The following SPACA1 variants were observed in gnomAD, a reference collection of about 807,000 sequenced individuals.
SPACA1 encodes the protein sperm acrosome associated 1.
A neutral mutation model predicts 32.6 loss-of-function variants in SPACA1; 17 were observed. The ratio of observed to expected loss-of-function variants is 0.52; its 90% CI spans 0.36 to 0.78. The LOEUF (loss-of-function observed/expected upper bound fraction) is 0.78. SPACA1 is among the 30% of genes least tolerant of loss of function. The pLI, the probability that SPACA1 is intolerant of heterozygous loss-of-function variation, is 0.01. For missense variants in SPACA1, 363 were observed against 373.4 expected, an observed-to-expected ratio of 0.97 and a Z score of 0.23; for synonymous variants, 140 against 138.1, an observed-to-expected ratio of 1.01 and a Z score of -0.10.
In SPACA1 at chr6:88,058,734, A is replaced by G. The variant is rs770864096; in HGVS notation, c.386A>G (p.Glu129Gly). 2 of 1,613,018 alleles carry G rather than the reference A, an allele frequency of 1.2e-6. No individual in the cohort carries two copies. The highest frequency in any genetic ancestry group is 4.5e-5 in the East Asian group (2 of 44,844). ...TDCGWGKPIS[E>G]SLESVRLACI... ...TTTTCAGGGGGTAAACCAATTTCAG[A>G]AAGTCTTGAAAGTGTTAGATTGGCA... Residue 129 changes from glutamate (E) to glycine (G), a missense_variant, in exon 4 of 7, where the codon GAA becomes GGA. Transcript: ENST00000237201.
chr6:88,060,709 C>A (rs1775880092), intron 5 of SPACA1, among the ~76,000 whole-genome samples: 1 of 152,102 alleles, frequency 6.6e-6, no homozygotes, highest in Non-Finnish European at 1.5e-5. Context: ...ATAAAAACAT[C>A]ATTAAACTAA....
At chr6:88,064,333 A>ACTGTCCAT in intron 6 of SPACA1, 114 bp downstream of exon 6, 1 of 1,084,164 alleles carries the variant, frequency 9.2e-7, no homozygotes, top group Non-Finnish European at 1.3e-6. Context: ...TTGCCTTGAA[A>ACTGTCCAT]CTGTCCATCG....
intron 3 of SPACA1, among the ~76,000 whole-genome samples, chr6:88,058,216 G>A (rs1303799423): frequency 1.3e-5 from 2 of 152,184 alleles, no homozygotes; most frequent in African/African-American, 2.4e-5. Context: ...AAGGAGCAGA[G>A]AGCCATGGTG....
At position 88,066,393 on chromosome 6, in the gene SPACA1, C is replaced by G; in HGVS notation, c.*58C>G. 1 of 1,430,526 alleles carries G rather than the reference C, an allele frequency of 7.0e-7. No homozygotes were observed. The highest frequency in any genetic ancestry group is 9.3e-7 in the Non-Finnish European group (1 of 1,071,534). The allele number at this position is 1,430,526 out of a possible 1,614,324, so 88.6% of individuals were successfully genotyped here. A position where few individuals can be genotyped will look rare whatever the true frequency, so the allele number is the denominator to read the frequency against. ...TTACAGAATATTAGATTCATTATTA[C>G]AAAAATAAAATACACATTGAAATAC... is the stretch of plus-strand genomic sequence containing the variant. On this transcript the variant is annotated 3_prime_UTR_variant, in exon 7 of 7. Coordinates refer to ENST00000237201, the MANE Select transcript of SPACA1 (RefSeq NM_030960.3).
chr6:88,047,913 C>G lies in SPACA1; in HGVS notation c.8C>G (p.Pro3Arg), dbSNP rs914982716. MS[P>R]RGTGCSAGLL... is the part of the protein sequence containing the mutation. Reference sequence around the variant, plus strand: ...CCGTCGGGGCCGAGAACCATGAGCCCCAGGGGCACGGGCTGCTCCGCCGGG... The same window carrying G: ...CCGTCGGGGCCGAGAACCATGAGCCGCAGGGGCACGGGCTGCTCCGCCGGG... Residue 3 changes from proline to arginine, a missense_variant, in exon 1 of 7, where the codon CCC becomes CGC. Pro to Arg is a moderately radical substitution (Grantham distance 103, BLOSUM62 -2). Coordinates refer to ENST00000237201, the MANE Select transcript of SPACA1 (RefSeq NM_030960.3). 4.5e-6 allele frequency: 7 copies of G among 1,554,174 alleles called. No individual in the cohort carries two copies. The South Asian group carries it at 7.1e-5, about 16-fold the overall frequency.
chr6:88,066,429 T>C lies in SPACA1; in HGVS notation c.*94T>C. The C allele has an allele frequency of 1.7e-6, 2 of 1,182,010 alleles. No homozygotes were observed. The highest frequency in any genetic ancestry group is 2.3e-6 in the Non-Finnish European group (2 of 875,636). 73.2% of individuals were successfully genotyped at this position (1,182,010 alleles called of 1,614,324 possible). A position where few individuals can be genotyped will look rare whatever the true frequency, so the allele number is the denominator to read the frequency against. Reference sequence around the variant, plus strand: ...TACACATTGAAATACTTTAATAATGTTGCGATGGATTGCCACAGTGTGAAG... The same window carrying C: ...TACACATTGAAATACTTTAATAATGCTGCGATGGATTGCCACAGTGTGAAG... On this transcript the variant is annotated 3_prime_UTR_variant, in exon 7 of 7. Transcript: ENST00000237201.
intron 5 of SPACA1, among the ~76,000 whole-genome samples, chr6:88,062,699 A>G (rs1372483810): frequency 6.6e-6 from 1 of 152,120 alleles, no homozygotes; most frequent in Admixed American, 6.6e-5. Flanking sequence ...CTATAATACT[A>G]GCTACTAGGG....
chr6:88,060,160 T>G (rs806435), intron 5 of SPACA1, among the ~76,000 whole-genome samples: 1 of 152,162 alleles, frequency 6.6e-6, no homozygotes, highest in African/African-American at 2.4e-5. Flanking sequence ...TGTCATTTTA[T>G]GTATTAGAAA....
Position 88,066,472 on chromosome 6 carries a change from T to C in SPACA1, c.*137T>C, listed in dbSNP as rs1775988635. 5.7e-6 allele frequency: 4 copies of C among 706,100 alleles called. No homozygotes were observed. The East Asian group carries it at 1.3e-4, about 23-fold the overall frequency. The allele number at this position is 706,100 out of a possible 1,614,324, so 43.7% of individuals were successfully genotyped here. A position where few individuals can be genotyped will look rare whatever the true frequency, so the allele number is the denominator to read the frequency against. ...GTGTGAAGGAAATGCAGTGTGGGGA[T>C]AGGACTATTTTATCAGTGCATTTTT... is the stretch of plus-strand genomic sequence containing the variant. On this transcript the variant is annotated 3_prime_UTR_variant, in exon 7 of 7. Coordinates refer to ENST00000237201, the MANE Select transcript of SPACA1 (RefSeq NM_030960.3).
At chr6:88,053,849 C>A in intron 1 of SPACA1, 97 bp from the exon 2 acceptor site, 3 of 927,736 alleles carry the variant, frequency 3.2e-6, no homozygotes, top group Non-Finnish European at 5.0e-6. Flanking sequence ...GTCTGCTGCC[C>A]ATATCATACA....
rs1775944841 is a variant in SPACA1 at position 88,064,299 on chromosome 6, C to T, written c.731+80C>T. The T allele has an allele frequency of 2.8e-6, 4 of 1,448,732 alleles. No individual in the cohort carries two copies. In the African/African-American group the frequency reaches 5.7e-5, roughly 21 times the overall value. The allele number at this position is 1,448,732 out of a possible 1,614,324, so 89.7% of individuals were successfully genotyped here. A position where few individuals can be genotyped will look rare whatever the true frequency, so the allele number is the denominator to read the frequency against. On this transcript the variant is annotated intron_variant, in intron 6 of 6. Coordinates refer to ENST00000237201, the MANE Select transcript of SPACA1 (RefSeq NM_030960.3). Reference sequence around the variant, plus strand: ...CTCCTCATCCAGTGAATTGCAAAGCCCTGTCCGTGATGTCTCCTACATGTT... The same window carrying T: ...CTCCTCATCCAGTGAATTGCAAAGCTCTGTCCGTGATGTCTCCTACATGTT...
Position 88,064,163 on chromosome 6 carries a change from A to G in SPACA1, c.675A>G (p.Ile225Met). The change falls in exon 6 of 7, where the codon ATA (isoleucine) becomes ATG (methionine). Residue 225 changes from isoleucine to methionine, a missense_variant. Physicochemically the swap from Ile to Met is conservative, Grantham distance 10 (BLOSUM62 1). Coordinates refer to ENST00000237201, the MANE Select transcript of SPACA1 (RefSeq NM_030960.3). ...CAGCCCTAATTTTTGTGCTGACCATAGGAGTCATTATCTGTGTATTTATAA... is the reference window on the plus strand; with the variant it reads ...CAGCCCTAATTTTTGTGCTGACCATGGGAGTCATTATCTGTGTATTTATAA... Reference protein sequence around the residue: ...TDAALIFVLTIGVIICVFIIF... With the variant: ...TDAALIFVLTMGVIICVFIIF... 1 of 1,613,402 alleles carries G rather than the reference A, an allele frequency of 6.2e-7. No individual in the cohort carries two copies. Among genetic ancestry groups the G allele is most frequent in the Non-Finnish European group, 8.5e-7 (1 of 1,179,574 alleles).
intron 1 of SPACA1, among the ~76,000 whole-genome samples, chr6:88,050,235 G>A: frequency 6.6e-6 from 1 of 152,180 alleles, no homozygotes; most frequent in Non-Finnish European, 1.5e-5. Context: ...TATTGTCACA[G>A]TATATTTCAG....
At chr6:88,047,393 A>T (rs1008151225), upstream of SPACA1, among the ~76,000 whole-genome samples, 1 of 152,226 alleles carries the variant, frequency 6.6e-6, no homozygotes, top group Non-Finnish European at 1.5e-5. Flanking sequence ...ATACATCCCA[A>T]ATTGGATATT....
intron 3 of SPACA1, among the ~76,000 whole-genome samples, chr6:88,057,986 G>C (rs1340745243): frequency 6.6e-6 from 1 of 152,178 alleles, no homozygotes; most frequent in African/African-American, 2.4e-5. Flanking sequence ...AGTTGAGGCT[G>C]TCCTGTGGCG....
chr6:88,058,482 T>C (rs1249553251), intron 3 of SPACA1, among the ~76,000 whole-genome samples: 1 of 152,060 alleles, frequency 6.6e-6, no homozygotes, highest in African/African-American at 2.4e-5. Flanking sequence ...TACAAAATTT[T>C]GTTTTAATTA....
Position 88,058,831 on chromosome 6 carries a change from T to C in SPACA1, c.474+9T>C, listed in dbSNP as rs367847689. The stretch of plus-strand genomic sequence containing the variant: ...TTCTAAGACAAGACCAAGTGAGTAA[T>C]GAATGGATATAACCTGGTGCTTTCT... On this transcript the variant is annotated intron_variant, in intron 4 of 6. Coordinates refer to ENST00000237201, the MANE Select transcript of SPACA1 (RefSeq NM_030960.3). 2.4e-5 allele frequency: 37 copies of C among 1,562,818 alleles called. No homozygotes were observed. The highest frequency in any genetic ancestry group is 1.4e-5 in the Non-Finnish European group (16 of 1,134,884).
At chr6:88,050,615 T>C (rs745307459) in intron 1 of SPACA1, among the ~76,000 whole-genome samples, 2 of 152,264 alleles carry the variant, frequency 1.3e-5, no homozygotes, top group Admixed American at 6.5e-5. Context: ...AGACTTCTTT[T>C]GTATCTTCTT....
Position 88,066,164 on chromosome 6 carries a change from T to G in SPACA1, c.732-18T>G, listed in dbSNP as rs763674592. ...TTTCACTTCATATGGTGGTTTTGGT[T>G]TTTGTTTTTTCTTCCAGGGCAGCAG... On this transcript the variant is annotated intron_variant, in intron 6 of 6. Coordinates refer to ENST00000237201, the MANE Select transcript of SPACA1 (RefSeq NM_030960.3). The G allele has an allele frequency of 1.9e-6, 3 of 1,547,146 alleles. No homozygotes were observed. In the South Asian group the frequency reaches 3.8e-5, roughly 20 times the overall value.
Sources: allele counts gnomAD v4.1 joint callset (sites outside exome capture counted in the v4.1 genomes callset), GRCh38; gene constraint gnomAD v4.1.1; transcripts MANE v1.5; gene names NCBI Gene and HGNC (gene_info 2026-07-23, HGNC 2026-07-21).